The following KHDRBS2 variants were observed in gnomAD, a reference collection of about 807,000 sequenced individuals.
KHDRBS2 encodes KH domain-containing, RNA-binding, signal transduction-associated protein 2.
Under a neutral mutation model 44.3 loss-of-function variants are expected in KHDRBS2, and 26 were observed. That is an observed-to-expected ratio of 0.59 (90% CI 0.43 to 0.81). The LOEUF (loss-of-function observed/expected upper bound fraction) is 0.81. Among genes scored for constraint, KHDRBS2 ranks in the 40% least tolerant of loss-of-function variants. The probability of loss-of-function intolerance (pLI) is 0.00; values close to 1 mark genes in which losing one functional copy is unlikely to be tolerated. For synonymous variants in KHDRBS2, 194 were observed against 151.1 expected, an observed-to-expected ratio of 1.28 and a Z score of -2.08; for missense variants, 476 against 433.1, an observed-to-expected ratio of 1.10 and a Z score of -0.88.
At chr6:61,932,523 G>A (rs193063899) in intron 4 of KHDRBS2, among the ~76,000 whole-genome samples, 251 of 152,088 alleles carry the variant, frequency 1.7e-3, no homozygotes, top group South Asian at 9.5e-3. Flanking sequence ...CATACAGGCC[G>A]GGCACGGTGC....
intron 7 of KHDRBS2, among the ~76,000 whole-genome samples, chr6:61,730,522 A>C (rs1273807880): frequency 6.6e-6 from 1 of 152,152 alleles, no homozygotes; most frequent in Non-Finnish European, 1.5e-5. Flanking sequence ...GGACATGTAC[A>C]CAAATAATCC....
chr6:61,625,842 A>G, the KHDRBS2 span, among the ~76,000 whole-genome samples: 20 of 152,194 alleles, frequency 1.3e-4, no homozygotes, highest in African/African-American at 4.8e-4. Context: ...GAAAGTTCTC[A>G]TTGTGATTAA....
chr6:61,797,727 G>T lies in KHDRBS2; in HGVS notation c.811-64963C>A, dbSNP rs1020498739. 2.1e-3 allele frequency among the ~76,000 whole-genome samples: 33 copies of T among 15,578 alleles called. No individual in the cohort carries two copies. In the South Asian group the frequency reaches 0.03, roughly 14 times the overall value. The allele number at this position is 15,578 out of a possible 152,430, so 10.2% of individuals were successfully genotyped here. A position where few individuals can be genotyped will look rare whatever the true frequency, so the allele number is the denominator to read the frequency against. On this transcript the variant is annotated intron_variant, in intron 6 of 8. Transcript: ENST00000281156. ...TGATACTGTGTCAGTATGGTGTTTT[G>T]TGTGTGTGTGTGTGTGTGTGTGTGT...
chr6:62,030,348 T>A (rs184603253), intron 3 of KHDRBS2, among the ~76,000 whole-genome samples: 25 of 152,170 alleles, frequency 1.6e-4, no homozygotes, highest in Middle Eastern at 3.4e-3. Flanking sequence ...TCCTCTTGGT[T>A]ATAGAGTTTG....
Position 62,126,352 on chromosome 6 carries a change from C to G in KHDRBS2, c.219+50833G>C, listed in dbSNP as rs111391237. On this transcript the variant is annotated intron_variant, in intron 2 of 8. Coordinates refer to ENST00000281156, the MANE Select transcript of KHDRBS2 (RefSeq NM_152688.4). ...GTAGAATAGAGCACCAGGTAGATTT[C>G]TAAGGTTTCCAATTCTAGGCCCTGG... Among the ~76,000 whole-genome samples, 1,148 of 152,312 alleles carry G rather than the reference C, an allele frequency of 7.5e-3. 7 individuals are homozygous for G. The highest frequency in any genetic ancestry group is 0.02 in the Middle Eastern group (6 of 294).
chr6:61,599,268 C>G, the KHDRBS2 span, among the ~76,000 whole-genome samples: 1 of 152,048 alleles, frequency 6.6e-6, no homozygotes, highest in Non-Finnish European at 1.5e-5. Flanking sequence ...GTTTCTGAGG[C>G]TGTATTCCAA....
chr6:61,868,857 T>G (rs488899), intron 6 of KHDRBS2, among the ~76,000 whole-genome samples: 89,692 of 151,994 alleles, frequency 0.59, 26,689 homozygotes, highest in South Asian at 0.68. Context: ...AGTCGCCTTT[T>G]CCGGGGATCC....
At chr6:61,821,314 G>T (rs973541974) in intron 6 of KHDRBS2, among the ~76,000 whole-genome samples, 2 of 151,878 alleles carry the variant, frequency 1.3e-5, no homozygotes, top group Non-Finnish European at 2.9e-5. Context: ...GTAGATTAGG[G>T]TTTGCAACAT....
chr6:61,849,366 T>C (rs574575610), intron 6 of KHDRBS2, among the ~76,000 whole-genome samples: 5 of 152,094 alleles, frequency 3.3e-5, no homozygotes, highest in Admixed American at 6.6e-5. Flanking sequence ...TTCACACAAA[T>C]ATTTTCCTTA....
At chr6:61,954,951 T>TATATATGTATATATACACATAC (rs1562515114) in intron 4 of KHDRBS2, among the ~76,000 whole-genome samples, 2,414 of 88,212 alleles carry the variant, frequency 0.027, 1 homozygote, top group Middle Eastern at 0.087. Flanking sequence ...TGTGTATACA[T>TATATATGTATATATACACATAC]ATATATGTAT....
chr6:62,134,008 C>T (rs571576225), intron 2 of KHDRBS2, among the ~76,000 whole-genome samples: 1 of 152,232 alleles, frequency 6.6e-6, no homozygotes, highest in East Asian at 1.9e-4. Context: ...GATGATGCAA[C>T]AGAAAAGAAA....
At chr6:62,076,144 G>A (rs1796293746) in intron 2 of KHDRBS2, among the ~76,000 whole-genome samples, 1 of 151,802 alleles carries the variant, frequency 6.6e-6, no homozygotes, top group African/African-American at 2.4e-5. Context: ...CCCTAGCATA[G>A]CGCAAACTGA....
chr6:61,645,475 T>A, the KHDRBS2 span, among the ~76,000 whole-genome samples: 79 of 148,552 alleles, frequency 5.3e-4, no homozygotes, highest in East Asian at 2.6e-3. Flanking sequence ...AAAAAAAAAA[T>A]TTAAAAACAA....
chr6:61,802,713 C>A (rs1327595276), intron 6 of KHDRBS2, among the ~76,000 whole-genome samples: 1 of 152,096 alleles, frequency 6.6e-6, no homozygotes, highest in Non-Finnish European at 1.5e-5. Context: ...TTCTTTTCTT[C>A]AGTATTTTTC....
At chr6:61,557,446 C>T in the KHDRBS2 span, among the ~76,000 whole-genome samples, 16 of 152,134 alleles carry the variant, frequency 1.1e-4, no homozygotes, top group Non-Finnish European at 1.6e-4. Context: ...ATAATATTTT[C>T]CCTGAATATC....
chr6:62,087,962 C>A (rs1798726893), intron 2 of KHDRBS2, among the ~76,000 whole-genome samples: 1 of 152,134 alleles, frequency 6.6e-6, no homozygotes, highest in Non-Finnish European at 1.5e-5. Context: ...TCTCTGATAT[C>A]CTTTCTTCTG....
intron 1 of KHDRBS2, among the ~76,000 whole-genome samples, chr6:62,266,783 A>G (rs1175728826): frequency 6.6e-6 from 1 of 152,028 alleles, no homozygotes; most frequent in African/African-American, 2.4e-5. Flanking sequence ...ACAGAGAATA[A>G]CTGCATTTTT....
chr6:61,741,355 A>G (rs1448083787), intron 6 of KHDRBS2, among the ~76,000 whole-genome samples: 1 of 151,976 alleles, frequency 6.6e-6, no homozygotes, highest in Non-Finnish European at 1.5e-5. Context: ...TGCAACTCAG[A>G]AAAGGGAATC....
intron 6 of KHDRBS2, among the ~76,000 whole-genome samples, chr6:61,868,617 C>G (rs555206033): frequency 1.4e-3 from 207 of 152,254 alleles, no homozygotes; most frequent in African/African-American, 4.7e-3. Context: ...CTGCACTTTG[C>G]TGGGGGCAGG....
Sources: allele counts gnomAD v4.1 joint callset (sites outside exome capture counted in the v4.1 genomes callset), GRCh38; gene constraint gnomAD v4.1.1; transcripts MANE v1.5; gene names NCBI Gene and HGNC (gene_info 2026-07-23, HGNC 2026-07-21).